Variants in PDE4D observed in about 807,000 individuals in gnomAD.
The protein encoded by PDE4D is 3',5'-cyclic-AMP phosphodiesterase 4D.
A neutral mutation model predicts 87.4 loss-of-function variants in PDE4D; 24 were observed. That is an observed-to-expected ratio of 0.27 (90% CI 0.20 to 0.39). The LOEUF (loss-of-function observed/expected upper bound fraction) is 0.39, where lower values mean the gene tolerates loss of function less well. Among genes scored for constraint, PDE4D ranks in the 10% least tolerant of loss-of-function variants. The pLI is 1.00. For missense variants in PDE4D, 714 were observed against 1,041.0 expected, an observed-to-expected ratio of 0.69 and a Z score of 4.32; for synonymous variants, 384 against 383.2, an observed-to-expected ratio of 1.00 and a Z score of -0.02.
At chr5:59,447,139 G>GCC (rs1798471290) in intron 1 of PDE4D, among the ~76,000 whole-genome samples, 2 of 152,282 alleles carry the variant, frequency 1.3e-5, no homozygotes, top group South Asian at 4.1e-4. Flanking sequence ...CAAGATTGAT[G>GCC]TTATGTAGAC....
At chr5:60,419,188 G>A (rs1289159986) in intron 1 of PDE4D, among the ~76,000 whole-genome samples, 3 of 152,138 alleles carry the variant, frequency 2.0e-5, no homozygotes, top group Non-Finnish European at 4.4e-5. Flanking sequence ...TTTACCCAAA[G>A]TAGTTCATGA....
chr5:60,402,536 C>A (rs1741183294), intron 1 of PDE4D, among the ~76,000 whole-genome samples: 1 of 152,184 alleles, frequency 6.6e-6, no homozygotes, highest in African/African-American at 2.4e-5. Flanking sequence ...ATGGGCTAGG[C>A]CAGTTGCTCC....
intron 2 of PDE4D, among the ~76,000 whole-genome samples, chr5:60,126,969 G>A (rs374854291): frequency 5.3e-5 from 8 of 152,180 alleles, no homozygotes; most frequent in African/African-American, 1.9e-4. Flanking sequence ...TGCAGCGTAT[G>A]TATACTTCTG....
At chr5:59,277,595 A>G (rs1191254198) in intron 1 of PDE4D, among the ~76,000 whole-genome samples, 1 of 152,136 alleles carries the variant, frequency 6.6e-6, no homozygotes, top group African/African-American at 2.4e-5. Flanking sequence ...TATTTGAAAC[A>G]CTGTTCCCTC....
At chr5:60,197,065 ATAGATAGACAGT>A (rs1413172839) in intron 1 of PDE4D, among the ~76,000 whole-genome samples, 13 of 103,950 alleles carry the variant, frequency 1.3e-4, no homozygotes, top group African/African-American at 3.5e-4. Context: ...AGATAGATAG[ATAGATAGACAGT>A]TAGATAGATA....
chr5:59,979,782 A>C (rs1306181354), intron 3 of PDE4D, among the ~76,000 whole-genome samples: 3 of 152,192 alleles, frequency 2.0e-5, no homozygotes, highest in Non-Finnish European at 4.4e-5. Flanking sequence ...GATGAAAAAT[A>C]ATATGGAAAT....
chr5:59,916,954 ATTTTTTTTTTTTTTTTTT>A (rs750105496), intron 3 of PDE4D, among the ~76,000 whole-genome samples: 1 of 73,616 alleles, frequency 1.4e-5, no homozygotes, highest in Non-Finnish European at 2.4e-5. Context: ...TGCCCGGCTA[ATTTTTTTTTTTTTTTTTT>A]TTTTTTTTTT....
chr5:59,632,869 C>T (rs1376534493), intron 1 of PDE4D, among the ~76,000 whole-genome samples: 1 of 152,160 alleles, frequency 6.6e-6, no homozygotes, highest in Non-Finnish European at 1.5e-5. Context: ...GGGAACAAAA[C>T]TGGACAGAAA....
chr5:59,827,349 AAAG>A (rs1770445748), intron 1 of PDE4D, among the ~76,000 whole-genome samples: 1 of 152,116 alleles, frequency 6.6e-6, no homozygotes, highest in African/African-American at 2.4e-5. Flanking sequence ...TCAGGACCCT[AAAG>A]AAGTATTCTG....
At chr5:60,517,324 G>A (rs552920778) in intron 1 of PDE4D, among the ~76,000 whole-genome samples, 11 of 152,208 alleles carry the variant, frequency 7.2e-5, no homozygotes, top group Admixed American at 3.3e-4. Context: ...TGATGGCAGC[G>A]GGAGGCAGAC....
chr5:59,768,822 G>T (rs1031907588), intron 1 of PDE4D, among the ~76,000 whole-genome samples: 5 of 152,208 alleles, frequency 3.3e-5, no homozygotes, highest in African/African-American at 1.2e-4. Context: ...AAAGCAGCCT[G>T]TTAAACTATT....
chr5:59,564,164 C>T (rs1406866695), intron 1 of PDE4D, among the ~76,000 whole-genome samples: 3 of 152,160 alleles, frequency 2.0e-5, no homozygotes, highest in Non-Finnish European at 2.9e-5. Flanking sequence ...TATTTCAAAA[C>T]ACTATTCATG....
At chr5:59,435,842 T>A (rs1192472236) in intron 1 of PDE4D, among the ~76,000 whole-genome samples, 1 of 152,162 alleles carries the variant, frequency 6.6e-6, no homozygotes, top group Non-Finnish European at 1.5e-5. Context: ...ACATTGGAAG[T>A]AGTGGAGCTA....
At chr5:59,796,929 C>G (rs1766549653) in intron 1 of PDE4D, 1 of 152,064 alleles carries the variant, frequency 6.6e-6, no homozygotes, top group South Asian at 2.1e-4. Flanking sequence ...TTTTCAAAAT[C>G]AGGTTGCTGA....
intron 1 of PDE4D, among the ~76,000 whole-genome samples, chr5:59,666,735 C>T (rs768187674): frequency 6.6e-6 from 1 of 152,172 alleles, no homozygotes; most frequent in Admixed American, 6.5e-5. Flanking sequence ...TGATAGATTC[C>T]ACAACCCGTT....
At chr5:60,371,836 C>A (rs781619508) in intron 1 of PDE4D, among the ~76,000 whole-genome samples, 1 of 152,130 alleles carries the variant, frequency 6.6e-6, no homozygotes, top group African/African-American at 2.4e-5. Context: ...TGTATTGAAG[C>A]TCATTCTTCT....
chr5:59,249,900 A>T (rs1325463366), intron 1 of PDE4D, among the ~76,000 whole-genome samples: 13 of 152,012 alleles, frequency 8.6e-5, no homozygotes, highest in African/African-American at 3.1e-4. Context: ...TCCATCACCC[A>T]GGGTGGAGTG....
At chr5:59,412,000 G>A (rs560096054) in intron 1 of PDE4D, among the ~76,000 whole-genome samples, 1 of 152,096 alleles carries the variant, frequency 6.6e-6, no homozygotes, top group Non-Finnish European at 1.5e-5. Context: ...AAGGTTCTTG[G>A]TTTATCAGCA....
chr5:59,197,143 T>C (rs1419421861), intron 2 of PDE4D, among the ~76,000 whole-genome samples: 1 of 152,206 alleles, frequency 6.6e-6, no homozygotes, highest in East Asian at 1.9e-4. Flanking sequence ...ATATGTCTCC[T>C]AATTTTTTAT....
Sources: gnomAD v4.1 joint callset for allele counts (sites outside exome capture counted in the v4.1 genomes callset) on GRCh38, gnomAD v4.1.1 for gene constraint, MANE v1.5 for transcripts, NCBI Gene and HGNC (gene_info 2026-07-23, HGNC 2026-07-21) for gene names.